The following NRG2 variants were observed in gnomAD, a reference collection of about 807,000 sequenced individuals.
The protein encoded by NRG2 is neuregulin 2.
A neutral mutation model predicts 73.9 loss-of-function variants in NRG2; 27 were observed. The observed-to-expected ratio is 0.37, with a 90% CI of 0.27 to 0.50. The LOEUF (loss-of-function observed/expected upper bound fraction) is 0.50. NRG2 is among the 20% of genes least tolerant of loss of function. The probability of loss-of-function intolerance (pLI) is 0.96; values close to 1 mark genes in which losing one functional copy is unlikely to be tolerated. For missense variants in NRG2, 1,126 were observed against 1,210.1 expected (o/e 0.93, Z 1.03); for synonymous variants, 532 against 541.0 (o/e 0.98, Z 0.23).
At chr5:139,967,895 G>T (rs1314812565) in intron 1 of NRG2, among the ~76,000 whole-genome samples, 1 of 152,030 alleles carries the variant, frequency 6.6e-6, no homozygotes, top group African/African-American at 2.4e-5. Context: ...GGAGGCAGAG[G>T]TTGCAGTGAG....
At chr5:139,951,370 G>A (rs1754186149) in intron 1 of NRG2, among the ~76,000 whole-genome samples, 1 of 152,166 alleles carries the variant, frequency 6.6e-6, no homozygotes, top group Non-Finnish European at 1.5e-5. Context: ...TCAAGCCCAG[G>A]GCAGTCAAAT....
chr5:139,899,549 G>A (rs1269077590), intron 1 of NRG2, among the ~76,000 whole-genome samples: 4 of 152,178 alleles, frequency 2.6e-5, no homozygotes, highest in Admixed American at 2.6e-4. Context: ...GTCTTCTCAG[G>A]AGCTCCTGCC....
At chr5:139,944,164 T>A (rs1580787761) in intron 1 of NRG2, among the ~76,000 whole-genome samples, 1 of 149,922 alleles carries the variant, frequency 6.7e-6, no homozygotes, top group African/African-American at 2.4e-5. Context: ...ATACGATCTT[T>A]AAAAAAAAAA....
intron 1 of NRG2, among the ~76,000 whole-genome samples, chr5:139,974,282 G>T (rs1756207242): frequency 6.6e-6 from 1 of 151,946 alleles, no homozygotes; most frequent in East Asian, 1.9e-4. Context: ...GATGTGACAA[G>T]GATCCAAGAT....
chr5:139,882,973 T>C (rs548397060), intron 2 of NRG2, among the ~76,000 whole-genome samples: 7 of 152,148 alleles, frequency 4.6e-5, no homozygotes, highest in African/African-American at 1.7e-4. Flanking sequence ...GGTTAGCAGC[T>C]GTCTGATGAT....
intron 9 of NRG2, among the ~76,000 whole-genome samples, chr5:139,849,493 T>C (rs1761262723): frequency 1.3e-5 from 2 of 152,020 alleles, no homozygotes; most frequent in South Asian, 4.2e-4. Flanking sequence ...CCTTCAGAAG[T>C]CTGGCCTTGC....
chr5:140,019,012 C>G (rs575631406), intron 1 of NRG2, among the ~76,000 whole-genome samples: 1 of 152,186 alleles, frequency 6.6e-6, no homozygotes, highest in Admixed American at 6.5e-5. Flanking sequence ...CAGGGTAAGA[C>G]AGAAGGAGAA....
intron 1 of NRG2, among the ~76,000 whole-genome samples, chr5:140,003,053 A>G (rs1453131490): frequency 3.9e-5 from 6 of 152,264 alleles, no homozygotes; most frequent in Middle Eastern, 3.4e-3. Flanking sequence ...TTTTTTTCCC[A>G]TCAACTGACA....
chr5:139,880,114 G>T (rs547367898), intron 3 of NRG2, among the ~76,000 whole-genome samples: 1 of 152,178 alleles, frequency 6.6e-6, no homozygotes, highest in Non-Finnish European at 1.5e-5. Flanking sequence ...GTGTGTGTTG[G>T]GGGGAGGAGA....
At chr5:140,005,974 C>T (rs1421562544) in intron 1 of NRG2, among the ~76,000 whole-genome samples, 1 of 152,214 alleles carries the variant, frequency 6.6e-6, no homozygotes, top group African/African-American at 2.4e-5. Context: ...AAACTAGATA[C>T]CAAAGACGTC....
chr5:139,869,018 G>T lies in NRG2; in HGVS notation c.1112+2703C>A, dbSNP rs1291501796. ...GTGCTCTACAAACACACGGAGAGAA[G>T]AGGAGAAAGCAGCAAGAGGGAGTGC... is the stretch of plus-strand genomic sequence containing the variant. On this transcript the variant is annotated intron_variant, in intron 4 of 9. Coordinates refer to ENST00000361474, the MANE Select transcript of NRG2 (RefSeq NM_004883.3). This position sits in a 1 kb window ranked among gnomAD's most constrained non-coding sequence, Gnocchi z 4.5. Among the ~76,000 whole-genome samples the T allele has an allele frequency of 2.0e-5, 3 of 152,108 alleles. No individual in the cohort carries two copies. The highest frequency in any genetic ancestry group is 7.2e-5 in the African/African-American group (3 of 41,408).
chr5:139,856,018 C>T lies in NRG2; in HGVS notation c.1190-240G>A. On this transcript the variant is annotated intron_variant, in intron 5 of 9. Coordinates refer to ENST00000361474, the MANE Select transcript of NRG2 (RefSeq NM_004883.3). The surrounding 1 kb of genome is among the most constrained non-coding windows in gnomAD (Gnocchi z 4.2). ...GTCACACACAACTCCTCCTGAGTTC[C>T]CCTCCCCAAGCCCCATGCCTGCCCA... 1.8e-6 allele frequency: 1 copy of T among 541,746 alleles called. No homozygotes were observed. The highest frequency in any genetic ancestry group is 3.3e-6 in the Non-Finnish European group (1 of 299,594). The allele number at this position is 541,746 out of a possible 1,614,324, so 33.6% of individuals were successfully genotyped here.
At chr5:139,919,803 G>T (rs1751528322) in intron 1 of NRG2, among the ~76,000 whole-genome samples, 1 of 152,172 alleles carries the variant, frequency 6.6e-6, no homozygotes, top group African/African-American at 2.4e-5. Context: ...AAATATGTTG[G>T]CTATGTCAAT....
At chr5:139,984,002 C>T (rs1756993679) in intron 1 of NRG2, among the ~76,000 whole-genome samples, 1 of 152,200 alleles carries the variant, frequency 6.6e-6, no homozygotes, top group East Asian at 1.9e-4. Flanking sequence ...AGAAATGTCT[C>T]AACTGCAATG....
At chr5:139,919,845 G>A (rs994419646) in intron 1 of NRG2, among the ~76,000 whole-genome samples, 1 of 152,168 alleles carries the variant, frequency 6.6e-6, no homozygotes, top group African/African-American at 2.4e-5. Context: ...CACAGCAATT[G>A]GATTAGGCAG....
chr5:139,961,177 G>A (rs1451042302), intron 1 of NRG2, among the ~76,000 whole-genome samples: 2 of 152,152 alleles, frequency 1.3e-5, no homozygotes, highest in Non-Finnish European at 2.9e-5. Flanking sequence ...TGGGGGTTTC[G>A]GGAGGGTTGA....
chr5:139,936,826 G>C lies in NRG2; in HGVS notation c.701-49315C>G, dbSNP rs1441657118. 4.6e-5 allele frequency among the ~76,000 whole-genome samples: 7 copies of C among 151,964 alleles called. No individual in the cohort carries two copies. In the South Asian group the frequency reaches 8.3e-4, roughly 18 times the overall value. The stretch of plus-strand genomic sequence containing the variant: ...TTCATTACTATTATTTTTTGAGATG[G>C]CATCTTGCTCTGTTGCCCAGGCTGG... On this transcript the variant is annotated intron_variant, in intron 1 of 9. Coordinates refer to ENST00000361474, the MANE Select transcript of NRG2 (RefSeq NM_004883.3).
At chr5:140,024,887 T>C (rs541148944) in intron 1 of NRG2, among the ~76,000 whole-genome samples, 110 of 152,304 alleles carry the variant, frequency 7.2e-4, no homozygotes, top group African/African-American at 2.6e-3. Context: ...TCTAAACCCA[T>C]GCAGTCTCTA....
Position 139,848,197 on chromosome 5 carries a change from G to C in NRG2, c.2273C>G (p.Ala758Gly), listed in dbSNP as rs537489837. 95 of 1,318,276 alleles carry C rather than the reference G, an allele frequency of 7.2e-5. 3 individuals are homozygous for C. In the South Asian group the frequency reaches 1.7e-3, roughly 24 times the overall value. The allele number at this position is 1,318,276 out of a possible 1,614,324, so 81.7% of individuals were successfully genotyped here. A position where few individuals can be genotyped will look rare whatever the true frequency, so the allele number is the denominator to read the frequency against. The part of the protein sequence containing the change: ...LNGLAAQRAR[A>G]ARDSLSLSSG... ...GCTCAGCGACAGCGAGTCCCTCGCC[G>C]CCCGTGCGCGCTGCGCCGCCAGCCC... is the stretch of plus-strand genomic sequence containing the variant. The change falls in exon 10 of 10, where the codon GCG (alanine) becomes GGG (glycine). Residue 758 changes from alanine (A) to glycine (G), a missense_variant. Coordinates refer to ENST00000361474, the MANE Select transcript of NRG2 (RefSeq NM_004883.3).
Sources: gnomAD v4.1 joint callset for allele counts (sites outside exome capture counted in the v4.1 genomes callset) on GRCh38, gnomAD v4.1.1 for gene constraint, Gnocchi (gnomAD v3.1) non-coding constraint, MANE v1.5 for transcripts, NCBI Gene and HGNC (gene_info 2026-07-23, HGNC 2026-07-21) for gene names.